MTSS1: variants seen among roughly 807,000 people sequenced by gnomAD.
MTSS1 encodes protein MTSS 1.
In MTSS1, 18 loss-of-function variants were observed where a neutral mutation model predicts 79.0. That is an observed-to-expected ratio of 0.23 (90% CI 0.16 to 0.34). The LOEUF (loss-of-function observed/expected upper bound fraction) is 0.34. Among genes scored for constraint, MTSS1 ranks in the 10% least tolerant of loss-of-function variants. The pLI is 1.00. For synonymous variants in MTSS1, 341 were observed against 368.6 expected, an observed-to-expected ratio of 0.93 and a Z score of 0.86; for missense variants, 815 against 986.2, an observed-to-expected ratio of 0.83 and a Z score of 2.33.
At chr8:124,675,045 G>A (rs1825025038) in intron 3 of MTSS1, among the ~76,000 whole-genome samples, 1 of 152,188 alleles carries the variant, frequency 6.6e-6, no homozygotes, top group South Asian at 2.1e-4. Flanking sequence ...TGCTCTTTCT[G>A]TTTTCAAACA....
Position 124,553,325 on chromosome 8 carries a change from A to C in MTSS1, c.1935T>G (p.Pro645=), listed in dbSNP as rs1287780833. The C allele has an allele frequency of 6.2e-7, 1 of 1,613,952 alleles. No homozygotes were observed. The highest frequency in any genetic ancestry group is 1.1e-5 in the South Asian group (1 of 91,086). The change falls in exon 14 of 14, where the codon CCT becomes CCG. Residue 645 remains proline, a synonymous_variant. Coordinates refer to ENST00000518547, the MANE Select transcript of MTSS1 (RefSeq NM_014751.6). This position sits in a 1 kb window ranked among gnomAD's most constrained non-coding sequence, Gnocchi z 6.0. ...GGCCCTCACCCACAGATGGCGACTCAGGGCTGTGCTCCCCCCGCTCTTCTG... is the reference window on the plus strand; with the variant it reads ...GGCCCTCACCCACAGATGGCGACTCCGGGCTGTGCTCCCCCCGCTCTTCTG... ...DGPEERGEHS[P]ESPSVGEGPQ... is the part of the protein sequence containing the mutation.
chr8:124,611,114 C>CA (rs924868349), intron 3 of MTSS1, among the ~76,000 whole-genome samples: 4 of 148,642 alleles, frequency 2.7e-5, no homozygotes, highest in Middle Eastern at 3.5e-3. Flanking sequence ...AGACCCCCCC[C>CA]CCCCAGCATG....
intron 3 of MTSS1, among the ~76,000 whole-genome samples, chr8:124,617,571 C>T (rs1314739950): frequency 6.6e-6 from 1 of 152,050 alleles, no homozygotes. Context: ...CGGCAGCAAC[C>T]CCCTATTTTA....
At chr8:124,708,650 A>C (rs1025793828) in intron 1 of MTSS1, among the ~76,000 whole-genome samples, 1 of 152,208 alleles carries the variant, frequency 6.6e-6, no homozygotes, top group African/African-American at 2.4e-5. Flanking sequence ...GAAACTTCTT[A>C]TCTGCCCCCA....
chr8:124,707,404 C>A (rs1300890937), intron 1 of MTSS1, among the ~76,000 whole-genome samples: 24 of 148,388 alleles, frequency 1.6e-4, no homozygotes, highest in East Asian at 3.9e-4. Flanking sequence ...AAAAAAAAAA[C>A]AAACAAACAA....
intron 6 of MTSS1, among the ~76,000 whole-genome samples, chr8:124,572,888 AG>A (rs1156977536): frequency 6.6e-5 from 5 of 75,264 alleles, no homozygotes; most frequent in African/African-American, 3.5e-4. Context: ...CTGGGATTAC[AG>A]GCATGTACCA....
chr8:124,593,124 C>A (rs1486124976), intron 3 of MTSS1, among the ~76,000 whole-genome samples: 6 of 152,220 alleles, frequency 3.9e-5, no homozygotes, highest in Non-Finnish European at 8.8e-5. Flanking sequence ...GCAGAGGGCG[C>A]CGTTTTCACA....
intron 3 of MTSS1, among the ~76,000 whole-genome samples, chr8:124,595,988 T>C (rs1422846631): frequency 3.3e-5 from 5 of 152,134 alleles, no homozygotes; most frequent in Non-Finnish European, 4.4e-5. Flanking sequence ...ACCAAAGGGT[T>C]CCACAGGCCA....
chr8:124,555,733 G>T lies in MTSS1; in HGVS notation c.1567+9C>A. On this transcript the variant is annotated intron_variant, in intron 13 of 13. Transcript: ENST00000518547. Reference sequence around the variant, plus strand: ...AAAGCCTAAGTGCACACCCCAGGCTGCCTCGTACCTTGGGAAGGGATGGTG... The same window carrying T: ...AAAGCCTAAGTGCACACCCCAGGCTTCCTCGTACCTTGGGAAGGGATGGTG... 6.2e-7 allele frequency: 1 copy of T among 1,601,138 alleles called. No homozygotes were observed. Among genetic ancestry groups the T allele is most frequent in the Admixed American group, 1.7e-5 (1 of 59,030 alleles).
intron 3 of MTSS1, among the ~76,000 whole-genome samples, chr8:124,616,318 A>C (rs1836841946): frequency 6.7e-6 from 1 of 149,188 alleles, no homozygotes; most frequent in Admixed American, 6.8e-5. Flanking sequence ...GCATCTTCTC[A>C]TGAGGTTTTT....
intron 3 of MTSS1, among the ~76,000 whole-genome samples, chr8:124,688,283 G>A (rs1033770069): frequency 6.6e-6 from 1 of 151,652 alleles, no homozygotes; most frequent in African/African-American, 2.4e-5. Context: ...GTGTATATAT[G>A]TGTGTACGTG....
intron 2 of MTSS1, among the ~76,000 whole-genome samples, chr8:124,701,047 C>T (rs1012200954): frequency 6.6e-6 from 1 of 151,996 alleles, no homozygotes; most frequent in African/African-American, 2.4e-5. Context: ...GGGCAACATA[C>T]TAAGACTCCA....
Position 124,587,671 on chromosome 8 carries a change from T to C in MTSS1, c.385+1949A>G, listed in dbSNP as rs1831107825. Among the ~76,000 whole-genome samples, 4 of 151,998 alleles carry C rather than the reference T, an allele frequency of 2.6e-5. No individual in the cohort carries two copies. In the South Asian group the frequency reaches 8.3e-4, roughly 32 times the overall value. ...ATGCCACCACGCCCAGCTAATTGGT[T>C]TTTTTGTATTTTTAGTGGAGGTGGG... On this transcript the variant is annotated intron_variant, in intron 5 of 13. Transcript: ENST00000518547.
chr8:124,707,734 G>A lies in MTSS1; in HGVS notation c.73-3543C>T, dbSNP rs556061880. Among the ~76,000 whole-genome samples the A allele has an allele frequency of 2.6e-5, 4 of 152,162 alleles. No homozygotes were observed. In the South Asian group the frequency reaches 8.3e-4, roughly 32 times the overall value. ...AAAGAAAAAAAAAAAAACCTAGCTGGGTGCTGTGGCACATGCCTGTAGTCC... is the reference window on the plus strand; with the variant it reads ...AAAGAAAAAAAAAAAAACCTAGCTGAGTGCTGTGGCACATGCCTGTAGTCC... On this transcript the variant is annotated intron_variant, in intron 1 of 13. Coordinates refer to ENST00000518547, the MANE Select transcript of MTSS1 (RefSeq NM_014751.6).
chr8:124,632,119 A>C (rs1440776305), intron 3 of MTSS1, among the ~76,000 whole-genome samples: 1 of 151,736 alleles, frequency 6.6e-6, no homozygotes, highest in Non-Finnish European at 1.5e-5. Flanking sequence ...CCTTCAAAAA[A>C]ATTTAAATAA....
At chr8:124,672,364 T>G (rs1194063754) in intron 3 of MTSS1, among the ~76,000 whole-genome samples, 1 of 152,000 alleles carries the variant, frequency 6.6e-6, no homozygotes, top group Non-Finnish European at 1.5e-5. Flanking sequence ...TGTGGTGGCA[T>G]GTGCCTACAA....
intron 6 of MTSS1, among the ~76,000 whole-genome samples, chr8:124,574,004 T>A (rs1258822012): frequency 1.3e-5 from 2 of 152,234 alleles, no homozygotes; most frequent in Non-Finnish European, 2.9e-5. Flanking sequence ...AAGGAATTTT[T>A]TTTTTTGAGA....
At position 124,716,717 on chromosome 8, in the gene MTSS1, A is replaced by T. The variant is rs149620542; in HGVS notation, c.72+11167T>A. ...AGCAAGATTTGAGAATCACTGCACT[A>T]GATAAGATGCCACATGTCCCTTTGC... On this transcript the variant is annotated intron_variant, in intron 1 of 13. Coordinates refer to ENST00000518547, the MANE Select transcript of MTSS1 (RefSeq NM_014751.6). 4.6e-5 allele frequency among the ~76,000 whole-genome samples: 7 copies of T among 152,284 alleles called. No individual in the cohort carries two copies. In the East Asian group the frequency reaches 1.3e-3, roughly 29 times the overall value.
intron 3 of MTSS1, among the ~76,000 whole-genome samples, chr8:124,657,248 A>G (rs1821121021): frequency 6.6e-6 from 1 of 152,150 alleles, no homozygotes; most frequent in Non-Finnish European, 1.5e-5. Flanking sequence ...GCAGGACACA[A>G]AAAGGGGTTG....
Sources: allele counts gnomAD v4.1 joint callset (sites outside exome capture counted in the v4.1 genomes callset), GRCh38; gene constraint gnomAD v4.1.1; non-coding constraint Gnocchi (gnomAD v3.1); transcripts MANE v1.5; gene names NCBI Gene and HGNC (gene_info 2026-07-23, HGNC 2026-07-21).